Variants in DIP2C observed in about 807,000 individuals in gnomAD.
DIP2C encodes DIP2 acetate--CoA ligase C (putative), also known as disco-interacting protein 2 homolog C.
DIP2C carries 33 observed loss-of-function variants against 192.4 expected under a neutral mutation model. That is an observed-to-expected ratio of 0.17 (90% CI 0.13 to 0.23). The LOEUF (loss-of-function observed/expected upper bound fraction) is 0.23, where lower values mean the gene tolerates loss of function less well. DIP2C is among the 10% of genes least tolerant of loss of function. DIP2C has a pLI of 1.00. For synonymous variants in DIP2C, 979 were observed against 864.1 expected (o/e 1.13, Z -2.33); for missense variants, 1,537 against 2,110.1 (o/e 0.73, Z 5.32).
chr10:464,118 T>A (rs1346751047), intron 3 of DIP2C, among the ~76,000 whole-genome samples: 1 of 152,008 alleles, frequency 6.6e-6, no homozygotes, highest in Non-Finnish European at 1.5e-5. Flanking sequence ...CCAAAAGCAA[T>A]AGCAACAAAA....
At chr10:344,401 G>T (rs77650652) in intron 28 of DIP2C, among the ~76,000 whole-genome samples, 1 of 13,962 alleles carries the variant, frequency 7.2e-5, no homozygotes, top group African/African-American at 7.5e-4. Context: ...GGGCGGGGCG[G>T]GGGGGGGTTT....
intron 26 of DIP2C, among the ~76,000 whole-genome samples, chr10:347,957 C>G (rs1407939008): frequency 6.6e-6 from 1 of 150,764 alleles, no homozygotes; most frequent in Non-Finnish European, 1.5e-5. Context: ...TCGCGCATAG[C>G]TCTCCTGGAA....
intron 1 of DIP2C, among the ~76,000 whole-genome samples, chr10:562,095 T>C (rs1849250301): frequency 6.6e-6 from 1 of 152,232 alleles, no homozygotes; most frequent in Admixed American, 6.5e-5. Flanking sequence ...ATCAGCTACA[T>C]CTTTTGCTAC....
At chr10:491,607 T>C (rs1329623086) in intron 1 of DIP2C, among the ~76,000 whole-genome samples, 2 of 152,202 alleles carry the variant, frequency 1.3e-5, no homozygotes, top group Non-Finnish European at 2.9e-5. Context: ...GGGTCCCCCA[T>C]GGGCCAGCTA....
chr10:524,042 C>T (rs374881704), intron 1 of DIP2C, among the ~76,000 whole-genome samples: 3 of 152,152 alleles, frequency 2.0e-5, no homozygotes, highest in Non-Finnish European at 2.9e-5. Context: ...TGCAATGGCC[C>T]GAGGCTGGTT....
intron 1 of DIP2C, among the ~76,000 whole-genome samples, chr10:570,598 C>G (rs973668204): frequency 1.3e-5 from 2 of 152,212 alleles, no homozygotes; most frequent in African/African-American, 4.8e-5. Flanking sequence ...AAGCTTCTCT[C>G]AAACCTCCCC....
chr10:579,157 G>C (rs1306470433), intron 1 of DIP2C, among the ~76,000 whole-genome samples: 2 of 150,638 alleles, frequency 1.3e-5, no homozygotes. Flanking sequence ...CATACACCCA[G>C]ATACAGTGTA....
At chr10:614,559 G>A (rs1448912881) in intron 1 of DIP2C, among the ~76,000 whole-genome samples, 1 of 152,148 alleles carries the variant, frequency 6.6e-6, no homozygotes, top group Non-Finnish European at 1.5e-5. Flanking sequence ...CAAGAGAACT[G>A]CCTGCTGAAC....
chr10:375,628 G>A (rs113714979), intron 17 of DIP2C, among the ~76,000 whole-genome samples: 100 of 152,202 alleles, frequency 6.6e-4, no homozygotes, highest in African/African-American at 2.1e-3. Flanking sequence ...AGCCTTGCCC[G>A]CATAACACCT....
chr10:279,110 C>G (rs992404962), intron 36 of DIP2C, among the ~76,000 whole-genome samples: 3 of 152,160 alleles, frequency 2.0e-5, no homozygotes, highest in Admixed American at 6.6e-5. Flanking sequence ...CCTGGAAATT[C>G]TCAACAGTTC....
At chr10:492,352 C>T (rs1047541941) in intron 1 of DIP2C, among the ~76,000 whole-genome samples, 2 of 152,226 alleles carry the variant, frequency 1.3e-5, no homozygotes, top group South Asian at 4.1e-4. Flanking sequence ...GCCACCCGTG[C>T]TCTGCCATGG....
intron 10 of DIP2C, among the ~76,000 whole-genome samples, chr10:397,960 G>A (rs73587873): frequency 0.011 from 1,722 of 152,208 alleles, 35 homozygotes; most frequent in African/African-American, 0.038. Context: ...GACCAGCAAT[G>A]GCATTAAAAC....
At chr10:287,336 TCCTGAATATAG>T (rs1357433933) in intron 33 of DIP2C, among the ~76,000 whole-genome samples, 1 of 152,214 alleles carries the variant, frequency 6.6e-6, no homozygotes, top group East Asian at 1.9e-4. Context: ...ATTCTGGAAA[TCCTGAATATAG>T]CCTGCCTCAG....
chr10:309,316 T>G (rs965603468), intron 32 of DIP2C, among the ~76,000 whole-genome samples: 1 of 152,056 alleles, frequency 6.6e-6, no homozygotes, highest in Non-Finnish European at 1.5e-5. Context: ...CAGGGGGCGC[T>G]TAGGAGGCCA....
At chr10:602,955 T>C (rs778936010) in intron 1 of DIP2C, among the ~76,000 whole-genome samples, 1 of 151,888 alleles carries the variant, frequency 6.6e-6, no homozygotes, top group Non-Finnish European at 1.5e-5. Flanking sequence ...ACCGGAGCCG[T>C]TGGGGGAGGC....
At chr10:661,337 C>T (rs759919608) in intron 1 of DIP2C, among the ~76,000 whole-genome samples, 5 of 152,172 alleles carry the variant, frequency 3.3e-5, no homozygotes, top group African/African-American at 7.2e-5. Flanking sequence ...CACCTGGAGA[C>T]GCTCTGGGTT....
chr10:451,850 A>G (rs1239839447), intron 3 of DIP2C, among the ~76,000 whole-genome samples: 2 of 152,234 alleles, frequency 1.3e-5, no homozygotes, highest in Non-Finnish European at 2.9e-5. Flanking sequence ...TCTTGAAGAA[A>G]TGCGGGTTTT....
At chr10:688,702 G>C (rs1831422406) in intron 1 of DIP2C, among the ~76,000 whole-genome samples, 1 of 152,168 alleles carries the variant, frequency 6.6e-6, no homozygotes, top group African/African-American at 2.4e-5. Flanking sequence ...TGAAACTTAT[G>C]ACAGTTGAGC....
At chr10:475,436 A>C (rs1271991993) in intron 2 of DIP2C, among the ~76,000 whole-genome samples, 1 of 152,084 alleles carries the variant, frequency 6.6e-6, no homozygotes, top group African/African-American at 2.4e-5. Context: ...CAATCTCAGT[A>C]CCACACCTAT....
Sources: allele counts gnomAD v4.1 joint callset (sites outside exome capture counted in the v4.1 genomes callset), GRCh38; gene constraint gnomAD v4.1.1; transcripts MANE v1.5; gene names NCBI Gene and HGNC (gene_info 2026-07-23, HGNC 2026-07-21).